The following ARHGAP40 variants were observed in gnomAD, a reference collection of about 807,000 sequenced individuals.
ARHGAP40 encodes the protein Rho GTPase activating protein 40, also known as rho GTPase-activating protein 40.
Under a neutral mutation model 73.5 loss-of-function variants are expected in ARHGAP40, and 43 were observed. The observed-to-expected ratio is 0.58, with a 90% CI of 0.46 to 0.75. The LOEUF is 0.75. Ranked by LOEUF, ARHGAP40 falls within the 30% of genes least tolerant of loss-of-function variation. The pLI is 0.00. For synonymous variants in ARHGAP40, 300 were observed against 352.8 expected (o/e 0.85, Z 1.68); for missense variants, 734 against 861.8 (o/e 0.85, Z 1.86).
intron 5 of ARHGAP40, 94 bp from the exon 6 acceptor site, chr20:38,634,526 T>C: frequency 3.0e-5 from 34 of 1,146,058 alleles, no homozygotes; most frequent in Non-Finnish European, 3.9e-5. Context: ...TGCTCTTCCT[T>C]CTGCCTAAAT....
intron 1 of ARHGAP40, among the ~76,000 whole-genome samples, chr20:38,607,268 A>C (rs2088776389): frequency 6.6e-6 from 1 of 152,046 alleles, no homozygotes; most frequent in African/African-American, 2.4e-5. Context: ...AAGTTCCTTC[A>C]TTTCTCTGGG....
intron 1 of ARHGAP40, among the ~76,000 whole-genome samples, chr20:38,614,276 A>T (rs964499338): frequency 6.6e-6 from 1 of 152,214 alleles, no homozygotes; most frequent in Non-Finnish European, 1.5e-5. Context: ...CTATGTACAC[A>T]TTCATGAGTG....
At chr20:38,639,176 T>A (rs1035032090) in intron 8 of ARHGAP40, 51 bp from the exon 9 acceptor site, 115 of 1,294,830 alleles carry the variant, frequency 8.9e-5, no homozygotes, top group Non-Finnish European at 1.1e-4. Context: ...GTAGAGCGAC[T>A]TCTACCAGAG....
chr20:38,608,562 C>A (rs770393913), intron 1 of ARHGAP40, among the ~76,000 whole-genome samples: 6 of 152,172 alleles, frequency 3.9e-5, no homozygotes, highest in Non-Finnish European at 8.8e-5. Context: ...TACTATCACA[C>A]AATCACCCTG....
intron 1 of ARHGAP40, among the ~76,000 whole-genome samples, chr20:38,622,940 A>ATTTGT (rs1335889664): frequency 6.6e-6 from 1 of 152,226 alleles, no homozygotes; most frequent in African/African-American, 2.4e-5. Context: ...CTTGGCAGCC[A>ATTTGT]GACTCACAAA....
intron 2 of ARHGAP40, among the ~76,000 whole-genome samples, chr20:38,624,537 C>T (rs1196644184): frequency 6.6e-6 from 1 of 152,162 alleles, no homozygotes; most frequent in African/African-American, 2.4e-5. Context: ...TGGCTTCGTG[C>T]CTCCTCTCTG....
At chr20:38,643,794 C>T in exon 11 of ARHGAP40, 2 of 1,305,826 alleles carry the variant, frequency 1.5e-6, no homozygotes, top group South Asian at 2.5e-5. Flanking sequence ...GGCCCCTAAC[C>T]TCTTTCTGCA....
intron 3 of ARHGAP40, among the ~76,000 whole-genome samples, chr20:38,627,677 T>TGTGTGGGG: frequency 1.4e-5 from 2 of 145,996 alleles, no homozygotes; most frequent in East Asian, 2.0e-4. Flanking sequence ...TGTGTTGGTG[T>TGTGTGGGG]GTGTGTTGTG....
At chr20:38,606,234 T>G (rs1569006169) in intron 1 of ARHGAP40, among the ~76,000 whole-genome samples, 3 of 152,240 alleles carry the variant, frequency 2.0e-5, no homozygotes, top group Admixed American at 6.5e-5. Context: ...ACTAGCCTCC[T>G]GTTGATGGAA....
At chr20:38,641,627 C>T in intron 9 of ARHGAP40, 99 bp from the exon 10 acceptor site, 1 of 865,194 alleles carries the variant, frequency 1.2e-6, no homozygotes, top group Non-Finnish European at 1.6e-6. Context: ...CTGGCTGTCC[C>T]CTGGCTTTCC....
rs1284073798 is a variant in ARHGAP40 at position 38,646,336 on chromosome 20, C to T, written c.1710+149C>T. On this transcript the variant is annotated intron_variant, in intron 12 of 14. Transcript: ENST00000373345. The surrounding 1 kb of genome is among the most constrained non-coding windows in gnomAD (Gnocchi z 4.5). The stretch of plus-strand genomic sequence containing the variant: ...ACCAGGGGGCGTTGCGGCGCCGTCA[C>T]GGGGAGCGAGGAGGCGTGGCTGCGA... 1.2e-5 allele frequency: 12 copies of T among 980,408 alleles called. No individual in the cohort carries two copies. Among genetic ancestry groups the T allele is most frequent in the Middle Eastern group, 4.8e-4 (1 of 2,070 alleles). 60.7% of individuals were successfully genotyped at this position (980,408 alleles called of 1,614,324 possible).
intron 1 of ARHGAP40, among the ~76,000 whole-genome samples, chr20:38,607,532 G>A (rs1286957699): frequency 1.3e-5 from 2 of 152,214 alleles, no homozygotes; most frequent in African/African-American, 2.4e-5. Flanking sequence ...TTCGGATGGA[G>A]CTTCCTATTT....
intron 1 of ARHGAP40, among the ~76,000 whole-genome samples, chr20:38,604,364 CAA>C (rs1316660218): frequency 6.7e-6 from 1 of 150,206 alleles, no homozygotes; most frequent in African/African-American, 2.4e-5. Flanking sequence ...AACAAAACAA[CAA>C]AAGCAACATT....
intron 1 of ARHGAP40, among the ~76,000 whole-genome samples, chr20:38,603,068 A>T (rs1376624695): frequency 6.6e-6 from 1 of 152,214 alleles, no homozygotes; most frequent in Admixed American, 6.5e-5. Flanking sequence ...GCCCTCCAAA[A>T]GTGTTCTAGC....
chr20:38,639,288 A>C (rs1413885387), exon 9 of ARHGAP40: 1 of 1,305,498 alleles, frequency 7.7e-7, no homozygotes, highest in South Asian at 1.2e-5. Flanking sequence ...GACGAGGTTC[A>C]TCACAATGAC....
intron 1 of ARHGAP40, among the ~76,000 whole-genome samples, chr20:38,620,842 A>T (rs546196458): frequency 6.6e-6 from 1 of 152,170 alleles, no homozygotes; most frequent in East Asian, 1.9e-4. Context: ...ATTGTTTAGG[A>T]CTCGGAGTTG....
At chr20:38,638,632 A>G in intron 7 of ARHGAP40, 129 bp from the exon 8 acceptor site, 1 of 557,760 alleles carries the variant, frequency 1.8e-6, no homozygotes, top group South Asian at 1.8e-5. Context: ...ACAAAAACTA[A>G]TATTATTCCG....
chr20:38,637,158 T>C (rs538504348), intron 6 of ARHGAP40, among the ~76,000 whole-genome samples: 5 of 152,106 alleles, frequency 3.3e-5, no homozygotes, highest in African/African-American at 1.2e-4. Context: ...TTTTTTTTTT[T>C]CTGTGAGACA....
At chr20:38,630,161 C>T (rs950649162) in intron 5 of ARHGAP40, among the ~76,000 whole-genome samples, 3 of 138,646 alleles carry the variant, frequency 2.2e-5, no homozygotes, top group Non-Finnish European at 4.7e-5. Context: ...CTCCCTCCCT[C>T]CCTTCCTTCC....
Sources: gnomAD v4.1 joint callset for allele counts (sites outside exome capture counted in the v4.1 genomes callset) on GRCh38, gnomAD v4.1.1 for gene constraint, Gnocchi (gnomAD v3.1) non-coding constraint, MANE v1.5 for transcripts, NCBI Gene and HGNC (gene_info 2026-07-23, HGNC 2026-07-21) for gene names.